The following CLK3 variants were observed in gnomAD, a reference collection of about 807,000 sequenced individuals.
The protein encoded by CLK3 is dual specificity protein kinase CLK3.
In CLK3, 24 loss-of-function variants were observed where a neutral mutation model predicts 65.2. That is an observed-to-expected ratio of 0.37 (90% CI 0.27 to 0.52). The LOEUF (loss-of-function observed/expected upper bound fraction) is 0.52. Ranked by LOEUF, CLK3 falls within the 20% of genes least tolerant of loss-of-function variation. CLK3 has a pLI of 0.92. For synonymous variants in CLK3, 252 were observed against 240.8 expected (o/e 1.05, Z -0.43); for missense variants, 506 against 660.0 (o/e 0.77, Z 2.56).
chr15:74,608,887 C>T (rs2061947909), intron 1 of CLK3, among the ~76,000 whole-genome samples: 1 of 152,226 alleles, frequency 6.6e-6, no homozygotes, highest in Non-Finnish European at 1.5e-5. Context: ...GCCCCCACCC[C>T]AGCCTGGCTT....
intron 1 of CLK3, among the ~76,000 whole-genome samples, chr15:74,618,522 A>G (rs2062077047): frequency 6.6e-6 from 1 of 152,154 alleles, no homozygotes; most frequent in Admixed American, 6.5e-5. Flanking sequence ...GGGCCTCTGG[A>G]AAGAAAGTTA....
At chr15:74,628,394 GAA>G (rs1480558396) in intron 10 of CLK3, among the ~76,000 whole-genome samples, 1 of 152,174 alleles carries the variant, frequency 6.6e-6, no homozygotes, top group East Asian at 1.9e-4. Flanking sequence ...TAACCAGAGA[GAA>G]ATGTAGTCAC....
rs2062157678 is a variant in CLK3 at position 74,628,030 on chromosome 15, A to G, written c.1103A>G (p.Tyr368Cys). Residue 368 changes from tyrosine (Y) to cysteine (C), a missense_variant, in exon 10 of 13, where the codon TAC becomes TGC. Transcript: ENST00000395066. ...ATTGGCTGCATTCTCTTTGAGTACT[A>G]CCGGGGCTTCACACTCTTCCAGGTA... ...WSIGCILFEYYRGFTLFQTHE... is the reference protein window; with the variant it reads ...WSIGCILFEYCRGFTLFQTHE... 6.2e-7 allele frequency: 1 copy of G among 1,613,190 alleles called. No individual in the cohort carries two copies. The highest frequency in any genetic ancestry group is 8.5e-7 in the Non-Finnish European group (1 of 1,179,224).
chr15:74,610,677 A>T (rs1157348302), intron 1 of CLK3, among the ~76,000 whole-genome samples: 1 of 152,116 alleles, frequency 6.6e-6, no homozygotes, highest in African/African-American at 2.4e-5. Context: ...GCTGGGCCCG[A>T]GATACACCGC....
At chr15:74,628,733 C>T (rs749810929) in intron 11 of CLK3, 50 bp downstream of exon 11, 3 of 1,475,578 alleles carry the variant, frequency 2.0e-6, no homozygotes, top group African/African-American at 2.8e-5. Flanking sequence ...CCTTTCTCTT[C>T]TTGGCTGTGG....
intron 10 of CLK3, 75 bp from the exon 11 acceptor site, chr15:74,628,514 GGGCACTTGCCCATCT>G: frequency 2.3e-6 from 2 of 888,328 alleles, no homozygotes; most frequent in Non-Finnish European, 1.8e-6. Context: ...GGGGCAGTGA[GGGCACTTGCCCATCT>G]TTCTTGTTCC....
intron 3 of CLK3, 98 bp downstream of exon 3, chr15:74,620,323 T>TGTGCACGCACACCA: frequency 2.0e-6 from 3 of 1,516,536 alleles, no homozygotes; most frequent in Non-Finnish European, 2.7e-6. Context: ...CTGCCAGCCC[T>TGTGCACGCACACCA]GTGCACGTGC....
At chr15:74,625,746 G>T in intron 6 of CLK3, 56 bp from the exon 7 acceptor site, 2 of 1,593,466 alleles carry the variant, frequency 1.3e-6, no homozygotes, top group Non-Finnish European at 1.7e-6. Flanking sequence ...TCTGAGAGAG[G>T]GGGTGAGGCA....
At chr15:74,614,541 G>C (rs1001320312), upstream of CLK3, among the ~76,000 whole-genome samples, 2 of 152,210 alleles carry the variant, frequency 1.3e-5, no homozygotes, top group African/African-American at 2.4e-5. Context: ...GTTTACTTCG[G>C]ATAGCCATGG....
intron 12 of CLK3, 78 bp downstream of exon 12, chr15:74,629,110 G>T: frequency 8.9e-7 from 1 of 1,119,618 alleles, no homozygotes. Flanking sequence ...AGCAGAGACA[G>T]GCCAGGCCGC....
chr15:74,619,460 C>T, intron 2 of CLK3, 112 bp downstream of exon 2: 1 of 1,216,154 alleles, frequency 8.2e-7, no homozygotes, highest in African/African-American at 1.5e-5. Flanking sequence ...CCCTGGATCC[C>T]TGCCCTGTCC....
rs763224784 is a variant in CLK3 at position 74,622,964 on chromosome 15, T to C, written c.533+404T>C. Among the ~76,000 whole-genome samples the C allele has an allele frequency of 2.2e-4, 34 of 152,228 alleles. No individual in the cohort carries two copies. The highest frequency in any genetic ancestry group is 3.7e-4 in the Non-Finnish European group (25 of 67,994). ...CCAATAAGCCCAGCCCAAGCATAAG[T>C]CCCATTCCCTGAGGGTCTGCCTGAG... is the stretch of plus-strand genomic sequence containing the variant. On this transcript the variant is annotated intron_variant, in intron 5 of 12. Coordinates refer to ENST00000395066, the MANE Select transcript of CLK3 (RefSeq NM_001130028.2). This position sits in a 1 kb window ranked among gnomAD's most constrained non-coding sequence, Gnocchi z 4.6.
chr15:74,627,451 T>C lies in CLK3; in HGVS notation c.912+5T>C. The C allele has an allele frequency of 6.2e-7, 1 of 1,614,088 alleles. No homozygotes were observed. Among genetic ancestry groups the C allele is most frequent in the South Asian group, 1.1e-5 (1 of 91,086 alleles). On this transcript the variant is annotated splice_donor_5th_base_variant and intron_variant, in intron 8 of 12. Coordinates refer to ENST00000395066, the MANE Select transcript of CLK3 (RefSeq NM_001130028.2). The surrounding 1 kb of genome is among the most constrained non-coding windows in gnomAD (Gnocchi z 4.3). ...ACCCTCTACAATGAGCACAAGGTAT[T>C]GGTGGGGGTAAGGGTGAGGCCCTGT...
chr15:74,620,984 C>G (rs528257237), intron 3 of CLK3: 1 of 152,512 alleles, frequency 6.6e-6, no homozygotes, highest in Admixed American at 6.5e-5. Flanking sequence ...ACATTGCGCT[C>G]AGTCCCCTGG....
At chr15:74,625,046 A>G in intron 6 of CLK3, 28 bp downstream of exon 6, 1 of 1,546,586 alleles carries the variant, frequency 6.5e-7, no homozygotes, top group Non-Finnish European at 8.9e-7. Flanking sequence ...GTGGGAGGGA[A>G]GCCTTCAGTG....
chr15:74,617,367 T>A (rs2141537226), intron 1 of CLK3, among the ~76,000 whole-genome samples: 1 of 152,362 alleles, frequency 6.6e-6, no homozygotes, highest in Middle Eastern at 3.4e-3. Flanking sequence ...CTTTCAGATG[T>A]TCATGAAAAG....
At chr15:74,615,695 C>T (rs866550633), upstream of CLK3, 1 of 1,238,676 alleles carries the variant, frequency 8.1e-7, no homozygotes, top group Non-Finnish European at 1.0e-6. Flanking sequence ...CCGCGGCGCC[C>T]GCCGGAGCGG....
At chr15:74,623,828 G>A (rs1387843369) in intron 5 of CLK3, 1 of 152,308 alleles carries the variant, frequency 6.6e-6, no homozygotes, top group Admixed American at 6.5e-5. Flanking sequence ...ATTCAGCTCA[G>A]CGAAAGGCAG....
rs368720950 is a variant in CLK3, at chr15:74,627,619, C to T, written c.993C>T (p.His331=). The change falls in exon 9 of 13, where the codon CAC becomes CAT. Residue 331 remains histidine (H), a synonymous_variant. Transcript: ENST00000395066. This position sits in a 1 kb window ranked among gnomAD's most constrained non-coding sequence, Gnocchi z 4.3. ...GTGCCACATTTGACCATGAGCACCA[C>T]ACCACCATTGTGGCCACCCGTCACT... The part of the protein sequence containing the change: ...FGSATFDHEH[H]TTIVATRHYR... 5 of 1,614,158 alleles carry T rather than the reference C, an allele frequency of 3.1e-6. No homozygotes were observed. Among genetic ancestry groups the T allele is most frequent in the East Asian group, 4.5e-5 (2 of 44,892 alleles).
Sources: allele counts gnomAD v4.1 joint callset (sites outside exome capture counted in the v4.1 genomes callset), GRCh38; gene constraint gnomAD v4.1.1; non-coding constraint Gnocchi (gnomAD v3.1); transcripts MANE v1.5; gene names NCBI Gene and HGNC (gene_info 2026-07-23, HGNC 2026-07-21).